ZBTB7C: variants seen among roughly 807,000 people sequenced by gnomAD.
ZBTB7C encodes zinc finger and BTB domain-containing protein 7C.
Under a neutral mutation model 25.7 loss-of-function variants are expected in ZBTB7C, and 8 were observed. The observed-to-expected ratio is 0.31, with a 90% confidence interval of 0.18 to 0.56. The LOEUF (loss-of-function observed/expected upper bound fraction) is 0.56. ZBTB7C is among the 20% of genes least tolerant of loss of function. The probability of loss-of-function intolerance (pLI) is 0.91; values close to 1 mark genes in which losing one functional copy is unlikely to be tolerated. For missense variants in ZBTB7C, 824 were observed against 855.2 expected (o/e 0.96, Z 0.46); for synonymous variants, 394 against 369.0 (o/e 1.07, Z -0.78).
chr18:48,174,491 A>T (rs1376458302), intron 3 of ZBTB7C, among the ~76,000 whole-genome samples: 1 of 152,250 alleles, frequency 6.6e-6, no homozygotes, highest in Non-Finnish European at 1.5e-5. Flanking sequence ...ACACAACCCC[A>T]TGGAGGGGAA....
intron 1 of ZBTB7C, among the ~76,000 whole-genome samples, chr18:48,367,373 A>ATATAT (rs757386700): frequency 0.016 from 1,573 of 96,284 alleles, 25 homozygotes; most frequent in Non-Finnish European, 0.022. Context: ...TATATATATA[A>ATATAT]AATACAAACA....
At chr18:48,030,045 G>T in intron 4 of ZBTB7C, 134 bp from the exon 5 acceptor site, 2 of 1,163,396 alleles carry the variant, frequency 1.7e-6, no homozygotes, top group Non-Finnish European at 2.4e-6. Context: ...TAGGTCTCAT[G>T]CTAGATCTAC....
intron 1 of ZBTB7C, among the ~76,000 whole-genome samples, chr18:48,341,924 G>A (rs774415283): frequency 1.8e-4 from 28 of 152,286 alleles, no homozygotes; most frequent in South Asian, 1.7e-3. Flanking sequence ...CCTCACTCTC[G>A]TTCCACAGAC....
chr18:48,046,681 C>T (rs373979292), intron 3 of ZBTB7C, among the ~76,000 whole-genome samples: 1 of 152,184 alleles, frequency 6.6e-6, no homozygotes, highest in African/African-American at 2.4e-5. Context: ...GATAACCATC[C>T]GAGCACTCTG....
At chr18:48,283,351 C>T (rs1461983313) in intron 2 of ZBTB7C, among the ~76,000 whole-genome samples, 1 of 152,094 alleles carries the variant, frequency 6.6e-6, no homozygotes, top group East Asian at 1.9e-4. Context: ...AATTTAATTT[C>T]TTCTTTCTAT....
intron 3 of ZBTB7C, among the ~76,000 whole-genome samples, chr18:48,175,555 C>T (rs1406517903): frequency 6.6e-6 from 1 of 152,132 alleles, no homozygotes; most frequent in African/African-American, 2.4e-5. Flanking sequence ...TGTATGGATG[C>T]ATGTATTTCC....
At position 48,118,001 on chromosome 18, in the gene ZBTB7C, CTTTT is replaced by C. The variant is rs11358230; in HGVS notation, c.-17+67929_-17+67932del. Among the ~76,000 whole-genome samples the C allele has an allele frequency of 1.6e-4, 21 of 128,482 alleles. No homozygotes were observed. In the East Asian group the frequency reaches 3.9e-3, roughly 24 times the overall value. 84.3% of individuals were successfully genotyped at this position (128,482 alleles called of 152,430 possible). On this transcript the variant is annotated intron_variant, in intron 3 of 4. Coordinates refer to ENST00000590800, the MANE Select transcript of ZBTB7C (RefSeq NM_001318841.2). ...TGATCAATCTTTTCTTCTTCTTCTT[CTTTT>C]TTTTTTTTTTTTTTTACTGAGGCAG...
chr18:48,239,901 T>G (rs998972622), intron 2 of ZBTB7C, among the ~76,000 whole-genome samples: 1 of 152,114 alleles, frequency 6.6e-6, no homozygotes, highest in African/African-American at 2.4e-5. Flanking sequence ...TACAGAAGGT[T>G]GATTATTAAG....
chr18:48,070,039 C>T (rs1457650872), intron 3 of ZBTB7C, among the ~76,000 whole-genome samples: 1 of 152,144 alleles, frequency 6.6e-6, no homozygotes, highest in African/African-American at 2.4e-5. Flanking sequence ...AAGTAACTGA[C>T]CCAAAGCATC....
intron 3 of ZBTB7C, among the ~76,000 whole-genome samples, chr18:48,182,557 G>T (rs2145111464): frequency 6.6e-6 from 1 of 152,340 alleles, no homozygotes; most frequent in East Asian, 1.9e-4. Flanking sequence ...TAAGCCTGTT[G>T]TCAGGCAGTG....
intron 1 of ZBTB7C, among the ~76,000 whole-genome samples, chr18:48,369,149 T>C (rs1475224775): frequency 6.6e-6 from 1 of 152,190 alleles, no homozygotes. Context: ...GACAATTACA[T>C]TGTAAGTGGG....
At chr18:48,273,031 T>C (rs908718279) in intron 2 of ZBTB7C, among the ~76,000 whole-genome samples, 1 of 152,218 alleles carries the variant, frequency 6.6e-6, no homozygotes, top group Non-Finnish European at 1.5e-5. Context: ...TTAATGGGTG[T>C]AGGTTTTCTC....
In ZBTB7C at chr18:48,028,080, A is replaced by C. The variant is rs1387477132; in HGVS notation, c.*1180T>G. On this transcript the variant is annotated 3_prime_UTR_variant, in exon 5 of 5. Coordinates refer to ENST00000590800, the MANE Select transcript of ZBTB7C (RefSeq NM_001318841.2). ...CACAGCAAAGGGGACCATCACTAGC[A>C]ATGCCAAGGCCCTGAGGAACCCTCA... 1 of 152,250 alleles carries C rather than the reference A, an allele frequency of 6.6e-6. No individual in the cohort carries two copies. The highest frequency in any genetic ancestry group is 2.4e-5 in the African/African-American group (1 of 41,448). 9.4% of individuals were successfully genotyped at this position (152,250 alleles called of 1,614,324 possible).
At chr18:48,201,546 T>TC (rs200281977) in intron 2 of ZBTB7C, among the ~76,000 whole-genome samples, 3,843 of 151,900 alleles carry the variant, frequency 0.025, 69 homozygotes, top group Non-Finnish European at 0.041. Flanking sequence ...CACATCTTCT[T>TC]CCCCCCGTTT....
At chr18:48,089,388 C>T (rs1219522512) in intron 3 of ZBTB7C, among the ~76,000 whole-genome samples, 1 of 151,494 alleles carries the variant, frequency 6.6e-6, no homozygotes, top group African/African-American at 2.4e-5. Context: ...AGGAGAATCG[C>T]TTGAACCCGG....
At chr18:48,381,685 T>A (rs1371808193) in intron 1 of ZBTB7C, among the ~76,000 whole-genome samples, 1 of 152,170 alleles carries the variant, frequency 6.6e-6, no homozygotes, top group Non-Finnish European at 1.5e-5. Context: ...ACAAAAGAAA[T>A]CACAATAACT....
chr18:48,383,132 G>A (rs892915449), intron 1 of ZBTB7C, among the ~76,000 whole-genome samples: 3 of 152,188 alleles, frequency 2.0e-5, no homozygotes, highest in East Asian at 1.9e-4. Context: ...TTGTCAGCCC[G>A]ACCCTCAAAC....
intron 4 of ZBTB7C, among the ~76,000 whole-genome samples, chr18:48,032,209 G>T (rs368682368): frequency 6.6e-6 from 1 of 151,906 alleles, no homozygotes; most frequent in Non-Finnish European, 1.5e-5. Flanking sequence ...CGCTTCCCAG[G>T]TTCAAGTGAT....
At chr18:48,262,948 T>A (rs1355715681) in intron 2 of ZBTB7C, among the ~76,000 whole-genome samples, 1 of 152,198 alleles carries the variant, frequency 6.6e-6, no homozygotes, top group African/African-American at 2.4e-5. Flanking sequence ...TTCCACTCTG[T>A]CTTCTCATGC....
Sources: gnomAD v4.1 joint callset for allele counts (sites outside exome capture counted in the v4.1 genomes callset) on GRCh38, gnomAD v4.1.1 for gene constraint, MANE v1.5 for transcripts, NCBI Gene and HGNC (gene_info 2026-07-23, HGNC 2026-07-21) for gene names.